Variants in GUCY1A2 observed in about 807,000 individuals in gnomAD.
The protein encoded by GUCY1A2 is guanylate cyclase soluble subunit alpha-2.
GUCY1A2 carries 27 observed loss-of-function variants against 63.5 expected under a neutral mutation model. The ratio of observed to expected loss-of-function variants is 0.43; its 90% confidence interval spans 0.31 to 0.59. The LOEUF (loss-of-function observed/expected upper bound fraction) is 0.59. Among genes scored for constraint, GUCY1A2 ranks in the 20% least tolerant of loss-of-function variants. The probability of loss-of-function intolerance (pLI) is 0.11; values close to 1 mark genes in which losing one functional copy is unlikely to be tolerated. For missense variants in GUCY1A2, 768 were observed against 913.3 expected (o/e 0.84, Z 2.05); for synonymous variants, 364 against 343.5 (o/e 1.06, Z -0.66).
At position 106,827,270 on chromosome 11, in the gene GUCY1A2, T is replaced by C. The variant is rs1386728204; in HGVS notation, c.1207-16792A>G. ...CCTTCAGTTGTATATCTGGTTCTTT[T>C]ATATGCAATTTTAGCCTCTGATTTT... On this transcript the variant is annotated intron_variant, in intron 4 of 7. Transcript: ENST00000526355. The C allele has an allele frequency of 3.9e-6, 6 of 1,553,248 alleles. No homozygotes were observed. In the East Asian group the frequency reaches 1.1e-4, roughly 29 times the overall value.
chr11:106,750,706 G>C (rs1345069843), intron 6 of GUCY1A2, among the ~76,000 whole-genome samples: 1 of 151,358 alleles, frequency 6.6e-6, no homozygotes, highest in African/African-American at 2.4e-5. Context: ...GATTTTTCCA[G>C]TGTAGTTGTT....
rs570926448 is a variant in GUCY1A2, at chr11:106,797,208, G to A, written c.1692+12785C>T. ...TTTTTCAAGGTTTTAACTTCTTTGC[G>A]ATGTGTTCGAACTTCCTCCTTTAGC... On this transcript the variant is annotated intron_variant, in intron 5 of 7. Transcript: ENST00000526355. Among the ~76,000 whole-genome samples, 10 of 152,052 alleles carry A rather than the reference G, an allele frequency of 6.6e-5. No homozygotes were observed. The South Asian group carries it at 1.5e-3, about 22-fold the overall frequency.
In GUCY1A2 at chr11:106,949,719, CAA is replaced by C. The variant is rs377206204; in HGVS notation, c.488-9543_488-9542del. Among the ~76,000 whole-genome samples, 95 of 152,002 alleles carry C rather than the reference CAA, an allele frequency of 6.2e-4. No homozygotes were observed. In the East Asian group the frequency reaches 0.017, roughly 28 times the overall value. On this transcript the variant is annotated intron_variant, in intron 3 of 7. Coordinates refer to ENST00000526355, the MANE Select transcript of GUCY1A2 (RefSeq NM_000855.3). ...AAAAAGGAAATGTCAACTAGGCCAC[CAA>C]AAAAGAGTAGATAGATAGGGGAGGA...
chr11:106,887,435 G>C (rs1190466722), intron 4 of GUCY1A2, among the ~76,000 whole-genome samples: 1 of 152,080 alleles, frequency 6.6e-6, no homozygotes, highest in Non-Finnish European at 1.5e-5. Flanking sequence ...TCTAAATTTA[G>C]ATAATGTTAT....
At chr11:106,934,972 A>T (rs1944210) in intron 4 of GUCY1A2, among the ~76,000 whole-genome samples, 3 of 151,992 alleles carry the variant, frequency 2.0e-5, no homozygotes, top group Non-Finnish European at 2.9e-5. Context: ...TGAACATAAA[A>T]GACATTAGTA....
At position 106,698,119 on chromosome 11, in the gene GUCY1A2, A is replaced by ATTTTTTTTTTTTTTTTTTTTTTT. The variant is rs71470827; in HGVS notation, c.1992-10364_1992-10363insAAAAAAAAAAAAAAAAAAAAAAA. ...TTTACAGCTTTCACTGAATGTTAGAATTTTTTTTTTTTTTTTTTTAGACAG... is the reference window on the plus strand; with the variant it reads ...TTTACAGCTTTCACTGAATGTTAGAATTTTTTTTTTTTTTTTTTTTTTTTTTTTTTTTTTTTTTTTTTAGACAG... On this transcript the variant is annotated intron_variant, in intron 7 of 7. Transcript: ENST00000526355. 2.9e-3 allele frequency among the ~76,000 whole-genome samples: 296 copies of ATTTTTTTTTTTTTTTTTTTTTTT among 100,450 alleles called. 37 individuals carry two copies. Among genetic ancestry groups the ATTTTTTTTTTTTTTTTTTTTTTT allele is most frequent in the African/African-American group, 6.4e-3 (139 of 21,784 alleles). 65.9% of individuals were successfully genotyped at this position (100,450 alleles called of 152,430 possible). A position where few individuals can be genotyped will look rare whatever the true frequency, so the allele number is the denominator to read the frequency against.
chr11:106,826,834 T>C (rs948738432), intron 4 of GUCY1A2: 13 of 1,607,926 alleles, frequency 8.1e-6, no homozygotes, highest in South Asian at 2.2e-5. Flanking sequence ...ACCGGCAGCA[T>C]AGATATCAGG....
chr11:106,826,187 G>A (rs1462842766), intron 4 of GUCY1A2, among the ~76,000 whole-genome samples: 5 of 152,186 alleles, frequency 3.3e-5, no homozygotes, highest in Non-Finnish European at 5.9e-5. Flanking sequence ...GGTCAGTGTT[G>A]TATTGGAAAG....
chr11:106,798,480 A>G (rs529678100), intron 5 of GUCY1A2, among the ~76,000 whole-genome samples: 48 of 152,350 alleles, frequency 3.2e-4, no homozygotes, highest in Admixed American at 3.0e-3. Context: ...ATTTTAGACC[A>G]ATATCCTTGA....
intron 4 of GUCY1A2, among the ~76,000 whole-genome samples, chr11:106,863,155 T>G (rs1859537968): frequency 6.6e-6 from 1 of 152,296 alleles, no homozygotes; most frequent in South Asian, 2.1e-4. Flanking sequence ...TAGAACCCAT[T>G]TGTCAATTTT....
At chr11:106,799,706 A>G (rs1002122303) in intron 5 of GUCY1A2, among the ~76,000 whole-genome samples, 2 of 152,134 alleles carry the variant, frequency 1.3e-5, no homozygotes, top group Non-Finnish European at 1.5e-5. Flanking sequence ...AGCTGAAACT[A>G]GATCCCTTCC....
At chr11:106,859,807 A>G (rs1235828182) in intron 4 of GUCY1A2, among the ~76,000 whole-genome samples, 3 of 151,996 alleles carry the variant, frequency 2.0e-5, no homozygotes, top group African/African-American at 7.2e-5. Flanking sequence ...AGTACTCAGT[A>G]CAGTATCATT....
At chr11:106,856,613 T>C (rs1036232942) in intron 4 of GUCY1A2, among the ~76,000 whole-genome samples, 1 of 152,230 alleles carries the variant, frequency 6.6e-6, no homozygotes, top group Non-Finnish European at 1.5e-5. Flanking sequence ...TTATTATTTC[T>C]TGAATATAAT....
intron 4 of GUCY1A2, chr11:106,824,298 C>T: frequency 6.6e-6 from 3 of 455,130 alleles, no homozygotes; most frequent in Non-Finnish European, 1.1e-5. Flanking sequence ...AGTCAGTTTT[C>T]TGATTAGATT....
chr11:106,782,788 C>A (rs1277270522), intron 5 of GUCY1A2, among the ~76,000 whole-genome samples: 2 of 152,130 alleles, frequency 1.3e-5, no homozygotes, highest in Non-Finnish European at 2.9e-5. Context: ...AACCATAGCC[C>A]AGACTTTCAT....
At chr11:107,008,048 C>T (rs1286825982) in intron 1 of GUCY1A2, among the ~76,000 whole-genome samples, 1 of 149,522 alleles carries the variant, frequency 6.7e-6, no homozygotes, top group African/African-American at 2.4e-5. Context: ...TTTGGGAGGC[C>T]AAGGCAGGCA....
At chr11:106,748,935 CTGTA>C (rs1863837377) in intron 6 of GUCY1A2, among the ~76,000 whole-genome samples, 1 of 151,964 alleles carries the variant, frequency 6.6e-6, no homozygotes, top group Non-Finnish European at 1.5e-5. Context: ...ATTTTTGTCT[CTGTA>C]TGCCCAGTAG....
chr11:106,689,345 A>G (rs547993790), intron 7 of GUCY1A2, among the ~76,000 whole-genome samples: 6 of 152,272 alleles, frequency 3.9e-5, no homozygotes, highest in African/African-American at 1.4e-4. Context: ...CCACAAAATG[A>G]TGATATTCAT....
intron 6 of GUCY1A2, among the ~76,000 whole-genome samples, chr11:106,755,527 A>G (rs1332356880): frequency 6.6e-6 from 1 of 152,148 alleles, no homozygotes; most frequent in African/African-American, 2.4e-5. Context: ...AATGTGTCCC[A>G]GTGATTCTGG....
Sources: gnomAD v4.1 joint callset for allele counts (sites outside exome capture counted in the v4.1 genomes callset) on GRCh38, gnomAD v4.1.1 for gene constraint, MANE v1.5 for transcripts, NCBI Gene and HGNC (gene_info 2026-07-23, HGNC 2026-07-21) for gene names.